BRI3: variants seen among roughly 807,000 people sequenced by gnomAD.
BRI3 encodes brain protein I3, also known as membrane protein BRI3.
A neutral mutation model predicts 12.8 loss-of-function variants in BRI3; 6 were observed. That is an observed-to-expected ratio of 0.47 (90% CI 0.26 to 0.93). The LOEUF (loss-of-function observed/expected upper bound fraction) is 0.93. Among genes scored for constraint, BRI3 ranks in the 40% least tolerant of loss-of-function variants. BRI3 has a pLI of 0.15. For synonymous variants in BRI3, 91 were observed against 76.1 expected (o/e 1.20, Z -1.02); for missense variants, 134 against 171.1 (o/e 0.78, Z 1.21).
chr7:98,304,290 A>G (rs748231017), upstream of BRI3: 13 of 1,613,560 alleles, frequency 8.1e-6, no homozygotes, highest in Non-Finnish European at 1.1e-5. Context: ...CCCCATGGAC[A>G]AGCATTCCAA....
chr7:98,308,059 A>G (rs1168485541), exon 2 of BRI3: 1 of 744,412 alleles, frequency 1.3e-6, no homozygotes, highest in South Asian at 1.5e-5. Flanking sequence ...CATTGCCCAG[A>G]AGGAACAGGG....
the BRI3 span, chr7:98,315,483 G>T: frequency 6.7e-7 from 1 of 1,500,180 alleles, no homozygotes; most frequent in South Asian, 1.3e-5. Flanking sequence ...TAATGTATGT[G>T]GTTTGCAAAG....
At chr7:98,320,430 G>A in the BRI3 span, 1 of 651,684 alleles carries the variant, frequency 1.5e-6, no homozygotes, top group Admixed American at 3.1e-5. Context: ...CCGCCTCCCG[G>A]GTTCAAACTA....
chr7:98,282,757 T>A (rs1009828141), intron 2 of BRI3: 2 of 330,386 alleles, frequency 6.1e-6, no homozygotes, highest in Admixed American at 9.4e-5. Context: ...TCGTGGTCCT[T>A]TCGTCTTTGT....
chr7:98,300,218 G>A (rs1800363863), intron 1 of BRI3, among the ~76,000 whole-genome samples: 1 of 151,404 alleles, frequency 6.6e-6, no homozygotes, highest in Non-Finnish European at 1.5e-5. Flanking sequence ...ATCCCTGCTG[G>A]TGAGGAGGCT....
chr7:98,313,844 G>A (rs1301904491), downstream of BRI3, among the ~76,000 whole-genome samples: 1 of 150,326 alleles, frequency 6.7e-6, no homozygotes, highest in African/African-American at 2.5e-5. Context: ...TGCCCAGGCT[G>A]GTCTGGAACT....
At chr7:98,282,135 G>A (rs913569156) in intron 1 of BRI3, among the ~76,000 whole-genome samples, 198 bp downstream of exon 1, 1 of 152,164 alleles carries the variant, frequency 6.6e-6, no homozygotes. Flanking sequence ...GTCGTAACCC[G>A]GCGGGGCCGG....
At chr7:98,292,739 A>G, downstream of BRI3, 1 of 1,551,372 alleles carries the variant, frequency 6.4e-7, no homozygotes. Context: ...TGTACTGGTA[A>G]TGGATGCAGC....
downstream of BRI3, chr7:98,291,567 A>C: frequency 9.0e-7 from 1 of 1,113,570 alleles, no homozygotes; most frequent in Non-Finnish European, 1.1e-6. Flanking sequence ...GAGACCCAGG[A>C]AAGACTGGAA....
chr7:98,323,222 C>T, the BRI3 span: 1 of 152,154 alleles, frequency 6.6e-6, no homozygotes, highest in African/African-American at 2.4e-5. Context: ...AGCATAATTC[C>T]ATTAATATGC....
chr7:98,292,052 G>A (rs934902159), downstream of BRI3: 5 of 153,634 alleles, frequency 3.3e-5, no homozygotes, highest in African/African-American at 1.2e-4. Flanking sequence ...GCCCCTTCAT[G>A]GTGGGGGTGC....
At chr7:98,321,432 T>A in the BRI3 span, among the ~76,000 whole-genome samples, 1 of 152,190 alleles carries the variant, frequency 6.6e-6, no homozygotes, top group Non-Finnish European at 1.5e-5. Flanking sequence ...TGCTCAGCCC[T>A]GCCTCTGCTG....
downstream of BRI3, chr7:98,292,887 C>T (rs1372560189): frequency 3.7e-5 from 53 of 1,432,588 alleles, 1 homozygote; most frequent in South Asian, 1.7e-4. Context: ...GAGATTTCGT[C>T]GAGTGCTACG....
chr7:98,287,989 C>T (rs1562957856), intron 2 of BRI3, among the ~76,000 whole-genome samples: 1 of 152,172 alleles, frequency 6.6e-6, no homozygotes, highest in Non-Finnish European at 1.5e-5. Flanking sequence ...GTGAGGTGCT[C>T]AGATGGTCAC....
chr7:98,318,347 A>G, the BRI3 span, among the ~76,000 whole-genome samples: 3 of 152,074 alleles, frequency 2.0e-5, no homozygotes, highest in African/African-American at 7.2e-5. Flanking sequence ...TGGTTGCAGC[A>G]AGCTGAGATC....
chr7:98,291,309 T>G lies in BRI3; in HGVS notation c.*66T>G. Reference sequence around the variant, plus strand: ...TTTCTAATGTAAATGTTGTGTACAATAATTTTATTTGATTAAGCTTCAGGA... The same window carrying G: ...TTTCTAATGTAAATGTTGTGTACAAGAATTTTATTTGATTAAGCTTCAGGA... On this transcript the variant is annotated 3_prime_UTR_variant, in exon 3 of 3. Transcript: ENST00000297290. 9.4e-6 allele frequency: 15 copies of G among 1,597,356 alleles called. No individual in the cohort carries two copies. Among genetic ancestry groups the G allele is most frequent in the Non-Finnish European group, 1.1e-5 (13 of 1,170,856 alleles).
exon 2 of BRI3, chr7:98,309,528 T>G (rs1030037226): frequency 1.3e-5 from 2 of 152,188 alleles, no homozygotes; most frequent in African/African-American, 2.4e-5. Flanking sequence ...CACAGAGTAT[T>G]ACATACTTTA....
chr7:98,293,079 C>A, downstream of BRI3: 3 of 628,156 alleles, frequency 4.8e-6, no homozygotes, highest in African/African-American at 1.9e-5. Context: ...TGCTAAGATG[C>A]AAACTTACGT....
chr7:98,292,896 C>T (rs1339619498), downstream of BRI3: 7 of 1,422,428 alleles, frequency 4.9e-6, no homozygotes, highest in African/African-American at 2.9e-5. Flanking sequence ...TCGAGTGCTA[C>T]GTGTGGCTGT....
Sources: gnomAD v4.1 joint callset for allele counts (sites outside exome capture counted in the v4.1 genomes callset) on GRCh38, gnomAD v4.1.1 for gene constraint, MANE v1.5 for transcripts, NCBI Gene and HGNC (gene_info 2026-07-23, HGNC 2026-07-21) for gene names.